Variants in EDNRB observed in about 807,000 individuals in gnomAD.
EDNRB encodes Hirschsprung disease 2.
EDNRB carries 18 observed loss-of-function variants against 46.4 expected under a neutral mutation model. The observed-to-expected ratio is 0.39, with a 90% CI of 0.27 to 0.57. The LOEUF (loss-of-function observed/expected upper bound fraction) is 0.57. EDNRB is among the 20% of genes least tolerant of loss of function. The pLI is 0.61. For missense variants in EDNRB, 434 were observed against 537.5 expected, an observed-to-expected ratio of 0.81 and a Z score of 1.90; for synonymous variants, 213 against 204.9, an observed-to-expected ratio of 1.04 and a Z score of -0.34.
At chr13:77,905,253 C>T (rs1879216879) in intron 1 of EDNRB, among the ~76,000 whole-genome samples, 1 of 151,788 alleles carries the variant, frequency 6.6e-6, no homozygotes, top group Non-Finnish European at 1.5e-5. Context: ...ACATCACATA[C>T]TTTTTGCTAA....
chr13:77,973,339 C>T (rs988891765), intron 1 of EDNRB, among the ~76,000 whole-genome samples: 2 of 151,914 alleles, frequency 1.3e-5, no homozygotes, highest in African/African-American at 4.8e-5. Context: ...TTAATAAAAC[C>T]TTGCAGACAT....
chr13:77,945,876 C>CAAAAAAAAA (rs67463440), intron 1 of EDNRB, among the ~76,000 whole-genome samples: 42 of 115,538 alleles, frequency 3.6e-4, no homozygotes, highest in East Asian at 1.1e-3. Context: ...TGCAAAAAAC[C>CAAAAAAAAA]AAAAAAAAAA....
At chr13:77,963,834 A>G (rs922738306) in intron 1 of EDNRB, among the ~76,000 whole-genome samples, 2 of 152,230 alleles carry the variant, frequency 1.3e-5, no homozygotes, top group African/African-American at 4.8e-5. Context: ...TAAACAGGCA[A>G]CCTACAGAAT....
intron 1 of EDNRB, among the ~76,000 whole-genome samples, chr13:77,904,713 C>G (rs756966453): frequency 2.6e-5 from 4 of 151,764 alleles, no homozygotes; most frequent in Non-Finnish European, 5.9e-5. Flanking sequence ...TTTCTTAGGA[C>G]AATATGGTGT....
intron 1 of EDNRB, among the ~76,000 whole-genome samples, chr13:77,941,045 C>G (rs1880730142): frequency 6.6e-6 from 1 of 152,094 alleles, no homozygotes; most frequent in Admixed American, 6.5e-5. Context: ...CTGGGAGATA[C>G]CTAGGTGTGA....
At chr13:77,907,555 T>C (rs182473682) in intron 1 of EDNRB, among the ~76,000 whole-genome samples, 14 of 152,140 alleles carry the variant, frequency 9.2e-5, no homozygotes, top group African/African-American at 3.4e-4. Flanking sequence ...TCTATCCCAC[T>C]GGTTCTGTTT....
At chr13:77,919,170 C>T, upstream of EDNRB, 1 of 568,530 alleles carries the variant, frequency 1.8e-6, no homozygotes, top group Non-Finnish European at 2.9e-6. Context: ...GCCGGAGATT[C>T]GGAAACCCGC....
intron 1 of EDNRB, chr13:77,939,294 CAGTT>C (rs1880664996): frequency 6.6e-6 from 1 of 152,124 alleles, no homozygotes; most frequent in Admixed American, 6.5e-5. Context: ...GGAATGTCAT[CAGTT>C]AAGGCAGGAA....
At chr13:77,946,606 T>G (rs1176475934) in intron 1 of EDNRB, among the ~76,000 whole-genome samples, 2 of 152,212 alleles carry the variant, frequency 1.3e-5, no homozygotes, top group African/African-American at 2.4e-5. Context: ...CAACTCTATG[T>G]TGGTGGCTCC....
chr13:77,973,264 A>C (rs1046976540), intron 1 of EDNRB, among the ~76,000 whole-genome samples: 6 of 152,176 alleles, frequency 3.9e-5, no homozygotes, highest in African/African-American at 1.2e-4. Context: ...TTCCTGTATG[A>C]TTTTTATACC....
At chr13:77,970,929 GA>G (rs1881710586) in intron 1 of EDNRB, among the ~76,000 whole-genome samples, 2 of 152,118 alleles carry the variant, frequency 1.3e-5, no homozygotes, top group South Asian at 4.1e-4. Flanking sequence ...AAATTTTAAG[GA>G]AAATGAGTCT....
chr13:77,936,163 A>T (rs1366806498), intron 1 of EDNRB, among the ~76,000 whole-genome samples: 1 of 152,210 alleles, frequency 6.6e-6, no homozygotes, highest in Non-Finnish European at 1.5e-5. Context: ...GGTGTCTTAT[A>T]CTTGTGGGTT....
Position 77,959,209 on chromosome 13 carries a change from G to A in EDNRB, c.-52+16138C>T, listed in dbSNP as rs543746509. On this transcript the variant is annotated intron_variant, in intron 1 of 7. Transcript: ENST00000646948. Reference sequence around the variant, plus strand: ...AAGAGAGTAGTGGTTCTCCCAGCACGGAGTTTGAGGTCTGAGAATGGACAG... The same window carrying A: ...AAGAGAGTAGTGGTTCTCCCAGCACAGAGTTTGAGGTCTGAGAATGGACAG... Among the ~76,000 whole-genome samples, 9 of 152,310 alleles carry A rather than the reference G, an allele frequency of 5.9e-5. No individual in the cohort carries two copies. In the East Asian group the frequency reaches 7.7e-4, roughly 13 times the overall value.
At chr13:77,959,249 C>T (rs531287922) in intron 1 of EDNRB, among the ~76,000 whole-genome samples, 95 of 152,310 alleles carry the variant, frequency 6.2e-4, no homozygotes, top group African/African-American at 1.4e-3. Flanking sequence ...CCTCCTCAAG[C>T]GGGTCCCTGA....
At chr13:77,931,217 A>C (rs1019148060) in intron 1 of EDNRB, among the ~76,000 whole-genome samples, 1 of 152,190 alleles carries the variant, frequency 6.6e-6, no homozygotes, top group Non-Finnish European at 1.5e-5. Context: ...AAAAATAAAG[A>C]CATTAATGGA....
In EDNRB at chr13:77,963,983, A is replaced by G. The variant is rs1284695360; in HGVS notation, c.-52+11364T>C. Among the ~76,000 whole-genome samples the G allele has an allele frequency of 2.0e-5, 3 of 152,244 alleles. No individual in the cohort carries two copies. In the East Asian group the frequency reaches 5.8e-4, roughly 29 times the overall value. ...AAGGATATGAACAGACACTTCTCAG[A>G]AGAAGACATTTATGCAGCCAACAGA... On this transcript the variant is annotated intron_variant, in intron 1 of 7. Coordinates refer to the EDNRB transcript ENST00000646948.
intron 1 of EDNRB, among the ~76,000 whole-genome samples, chr13:77,905,930 G>A (rs1879251466): frequency 6.6e-6 from 1 of 151,912 alleles, no homozygotes; most frequent in South Asian, 2.1e-4. Flanking sequence ...TTCATTGCAA[G>A]GTTTGAAGAA....
intron 1 of EDNRB, among the ~76,000 whole-genome samples, chr13:77,934,550 C>T (rs142396751): frequency 1.4e-4 from 22 of 152,076 alleles, no homozygotes; most frequent in African/African-American, 5.3e-4. Flanking sequence ...TGTGGAAAGG[C>T]CTCTACCCAT....
chr13:77,966,703 T>C (rs1489741186), intron 1 of EDNRB, among the ~76,000 whole-genome samples: 1 of 152,226 alleles, frequency 6.6e-6, no homozygotes, highest in African/African-American at 2.4e-5. Flanking sequence ...TTTGCGCAGT[T>C]ACTCTTTCAA....
Sources: gnomAD v4.1 joint callset for allele counts (sites outside exome capture counted in the v4.1 genomes callset) on GRCh38, gnomAD v4.1.1 for gene constraint, MANE v1.5 for transcripts, NCBI Gene and HGNC (gene_info 2026-07-23, HGNC 2026-07-21) for gene names.